CLOCK: variants seen among roughly 807,000 people sequenced by gnomAD.
CLOCK encodes circadian locomoter output cycles protein kaput.
In CLOCK, 43 loss-of-function variants were observed where a neutral mutation model predicts 118.4. The observed-to-expected ratio is 0.36, with a 90% confidence interval of 0.28 to 0.47. The LOEUF (loss-of-function observed/expected upper bound fraction) is 0.47, where lower values mean the gene tolerates loss of function less well. CLOCK is among the 20% of genes least tolerant of loss of function. The pLI is 1.00. For synonymous variants in CLOCK, 326 were observed against 339.2 expected (o/e 0.96, Z 0.43); for missense variants, 846 against 999.9 (o/e 0.85, Z 2.08).
In CLOCK at chr4:55,435,678, T is replaced by C. The variant is rs1337683922; in HGVS notation, c.2362-84A>G. 28 of 1,392,774 alleles carry C rather than the reference T, an allele frequency of 2.0e-5. No individual in the cohort carries two copies. The Middle Eastern group carries it at 5.4e-4, about 27-fold the overall frequency. 86.3% of individuals were successfully genotyped at this position (1,392,774 alleles called of 1,614,324 possible). A position where few individuals can be genotyped will look rare whatever the true frequency, so the allele number is the denominator to read the frequency against. On this transcript the variant is annotated intron_variant, in intron 22 of 22. Coordinates refer to ENST00000513440, the MANE Select transcript of CLOCK (RefSeq NM_004898.4). ...AGTTACTCACACTCTCCCCTGTCCA[T>C]AGGGACAAAATCCTTAAAATTCTAC...
At chr4:55,536,477 C>T (rs1438347602) in intron 1 of CLOCK, among the ~76,000 whole-genome samples, 1 of 152,116 alleles carries the variant, frequency 6.6e-6, no homozygotes, top group Non-Finnish European at 1.5e-5. Context: ...AGTGAGTTCA[C>T]ACAAGATCTG....
intron 6 of CLOCK, among the ~76,000 whole-genome samples, chr4:55,476,389 C>CT (rs1726511543): frequency 6.6e-6 from 1 of 152,040 alleles, no homozygotes; most frequent in Admixed American, 6.6e-5. Context: ...TGAAGCAATT[C>CT]TTTTTTTCCT....
intron 2 of CLOCK, among the ~76,000 whole-genome samples, chr4:55,492,772 G>C (rs1727804808): frequency 6.6e-6 from 1 of 152,222 alleles, no homozygotes; most frequent in African/African-American, 2.4e-5. Flanking sequence ...TTGAACCCAG[G>C]AAGCGGAGGT....
intron 1 of CLOCK, chr4:55,545,336 T>C (rs1731542163): frequency 6.6e-6 from 1 of 152,202 alleles, no homozygotes; most frequent in African/African-American, 2.4e-5. Context: ...CAATTCATTA[T>C]CTAAATTACA....
chr4:55,438,532 G>A lies in CLOCK; in HGVS notation c.2111C>T (p.Ser704Phe). ...TFTQDRQIRF[S>F]QGQQLVTKLV... ...TTTGGTCACAAGTTGTTGACCTTGA[G>A]AAAATCTGTTAGAAGAAAGAAGGAA... The change falls in exon 22 of 23, where the codon TCT (serine) becomes TTT (phenylalanine). Residue 704 changes from serine (S) to phenylalanine (F), a missense_variant. Physicochemically the swap from Ser to Phe is radical, Grantham distance 155. This residue lies in a region of CLOCK where 520 missense variants were observed against 558.0 expected (regional missense o/e 0.93). Transcript: ENST00000513440. The A allele has an allele frequency of 1.2e-6, 2 of 1,613,308 alleles. No homozygotes were observed. Among genetic ancestry groups the A allele is most frequent in the Non-Finnish European group, 1.7e-6 (2 of 1,179,960 alleles).
At chr4:55,523,491 TAAAA>T (rs35566281) in intron 1 of CLOCK, among the ~76,000 whole-genome samples, 3 of 151,812 alleles carry the variant, frequency 2.0e-5, no homozygotes, top group Non-Finnish European at 2.9e-5. Context: ...AAAGGGATAA[TAAAA>T]AAAATTGACA....
At position 55,438,472 on chromosome 4, in the gene CLOCK, A is replaced by G. The variant is rs1192795707; in HGVS notation, c.2171T>C (p.Met724Thr). Reference protein sequence around the residue: ...VTAPVACGAVMVPSTMLMGQV... With the variant: ...VTAPVACGAVTVPSTMLMGQV... ...GCCCATAAGCATAGTACTAGGTACC[A>G]TGACTGCCCCACAAGCTACAGGAGC... is the stretch of plus-strand genomic sequence containing the variant. Residue 724 changes from methionine (M) to threonine (T), a missense_variant, in exon 22 of 23, where the codon ATG (methionine) becomes ACG (threonine). Around this residue, in one of 4 missense-constraint regions of CLOCK, gnomAD observed 520 missense variants for 558.0 expected, o/e 0.93. Coordinates refer to ENST00000513440, the MANE Select transcript of CLOCK (RefSeq NM_004898.4). 13 of 1,613,802 alleles carry G rather than the reference A, an allele frequency of 8.1e-6. No homozygotes were observed. The highest frequency in any genetic ancestry group is 9.3e-6 in the Non-Finnish European group (11 of 1,180,026).
chr4:55,469,850 A>G (rs1205918611), intron 8 of CLOCK, among the ~76,000 whole-genome samples: 1 of 152,104 alleles, frequency 6.6e-6, no homozygotes, highest in African/African-American at 2.4e-5. Flanking sequence ...CTGGGACCAC[A>G]GGTGCATACC....
intron 1 of CLOCK, among the ~76,000 whole-genome samples, chr4:55,543,585 T>A (rs1405290142): frequency 1.3e-5 from 2 of 152,148 alleles, no homozygotes; most frequent in Admixed American, 1.3e-4. Flanking sequence ...GTAAAGGGGT[T>A]GTCACTTATT....
chr4:55,504,211 G>A (rs1336387233), intron 2 of CLOCK, among the ~76,000 whole-genome samples: 1 of 146,494 alleles, frequency 6.8e-6, no homozygotes, highest in African/African-American at 2.5e-5. Context: ...ACGTGAACCC[G>A]AGAGGTGGAG....
At chr4:55,471,008 CT>C (rs1452282687) in intron 7 of CLOCK, among the ~76,000 whole-genome samples, 2 of 152,126 alleles carry the variant, frequency 1.3e-5, no homozygotes, top group Non-Finnish European at 1.5e-5. Context: ...AAAAAAGTCT[CT>C]CTCTGGCCAT....
chr4:55,460,875 C>T (rs1288861325), intron 9 of CLOCK, among the ~76,000 whole-genome samples: 1 of 152,092 alleles, frequency 6.6e-6, no homozygotes, highest in Admixed American at 6.6e-5. Context: ...CCTGAGCCTA[C>T]CACATCAAGT....
intron 1 of CLOCK, among the ~76,000 whole-genome samples, chr4:55,535,329 T>C (rs1486893726): frequency 1.3e-5 from 2 of 151,998 alleles, no homozygotes; most frequent in Non-Finnish European, 2.9e-5. Flanking sequence ...AAAATATACA[T>C]CAAAAACTGA....
chr4:55,460,060 C>G lies in CLOCK; in HGVS notation c.560-799G>C, dbSNP rs532657089. Among the ~76,000 whole-genome samples, 289 of 152,272 alleles carry G rather than the reference C, an allele frequency of 1.9e-3. 1 individual carries two copies. The highest frequency in any genetic ancestry group is 6.8e-3 in the African/African-American group (281 of 41,554). On this transcript the variant is annotated intron_variant, in intron 9 of 22. Coordinates refer to ENST00000513440, the MANE Select transcript of CLOCK (RefSeq NM_004898.4). ...AGATCTCCTTCCTTTTCATTATGGG[C>G]TCCATCTTCCATATATTCATTTCCC...
At chr4:55,546,317 A>C (rs1313070960) in intron 1 of CLOCK, among the ~76,000 whole-genome samples, 1 of 151,908 alleles carries the variant, frequency 6.6e-6, no homozygotes, top group African/African-American at 2.4e-5. Flanking sequence ...GCTGCCCCAG[A>C]GGGCCTCTCA....
intron 16 of CLOCK, among the ~76,000 whole-genome samples, chr4:55,449,722 T>TA (rs1435386775): frequency 3.9e-5 from 6 of 152,170 alleles, no homozygotes; most frequent in African/African-American, 1.2e-4. Context: ...AAAAAGTCAC[T>TA]AATTTAATGA....
intron 1 of CLOCK, among the ~76,000 whole-genome samples, chr4:55,536,157 G>A (rs1730879645): frequency 2.0e-5 from 3 of 152,164 alleles, no homozygotes. Context: ...ACTTTGAAAA[G>A]CAAAGTGAAA....
At chr4:55,532,897 GA>G (rs1560483126) in intron 1 of CLOCK, among the ~76,000 whole-genome samples, 1 of 151,868 alleles carries the variant, frequency 6.6e-6, no homozygotes, top group African/African-American at 2.4e-5. Flanking sequence ...AAAATACTAG[GA>G]ATAAACTTAA....
At chr4:55,473,085 C>T (rs1400938625) in intron 7 of CLOCK, among the ~76,000 whole-genome samples, 1 of 152,026 alleles carries the variant, frequency 6.6e-6, no homozygotes, top group Non-Finnish European at 1.5e-5. Flanking sequence ...ATTAGCTCGG[C>T]GTGGTGACAC....
Sources: gnomAD v4.1 joint callset for allele counts (sites outside exome capture counted in the v4.1 genomes callset) on GRCh38, gnomAD v4.1.1 for gene constraint, gnomAD v4.1.1 regional missense constraint, MANE v1.5 for transcripts, NCBI Gene and HGNC (gene_info 2026-07-23, HGNC 2026-07-21) for gene names.